ARL8B: variants seen among roughly 807,000 people sequenced by gnomAD.
ARL8B encodes ADP-ribosylation factor-like protein 8B.
ARL8B carries 9 observed loss-of-function variants against 30.6 expected under a neutral mutation model. That is an observed-to-expected ratio of 0.29 (90% confidence interval 0.18 to 0.51). ARL8B has a LOEUF of 0.51. ARL8B is among the 20% of genes least tolerant of loss of function. The pLI is 0.97. For synonymous variants in ARL8B, 74 were observed against 76.0 expected, an observed-to-expected ratio of 0.97 and a Z score of 0.14; for missense variants, 130 against 227.2, an observed-to-expected ratio of 0.57 and a Z score of 2.75.
chr3:5,174,372 A>G lies in ARL8B; in HGVS notation c.469A>G (p.Ile157Val), dbSNP rs759577117. 5.6e-6 allele frequency: 9 copies of G among 1,608,064 alleles called. No homozygotes were observed. Among genetic ancestry groups the G allele is most frequent in the Non-Finnish European group, 7.7e-6 (9 of 1,174,822 alleles). The change falls in exon 6 of 7, where the codon ATT becomes GTT. Residue 157 changes from isoleucine to valine, a missense_variant. Ile to Val is a conservative substitution (Grantham distance 29, BLOSUM62 3). Coordinates refer to ENST00000256496, the MANE Select transcript of ARL8B (RefSeq NM_018184.3). ...TCTGTCTGCTATTCAGGATAGAGAA[A>G]TTTGCTGCTATTCAATTTCTTGCAA... ...MNLSAIQDREICCYSISCKEK... is the reference protein window; with the variant it reads ...MNLSAIQDREVCCYSISCKEK...
intron 1 of ARL8B, among the ~76,000 whole-genome samples, chr3:5,152,116 A>G (rs1388524573): frequency 6.6e-6 from 1 of 152,196 alleles, no homozygotes. Flanking sequence ...TGTGAGGTAG[A>G]TCCAGTTGGT....
At chr3:5,141,883 T>G (rs1477290817) in intron 1 of ARL8B, among the ~76,000 whole-genome samples, 2 of 152,220 alleles carry the variant, frequency 1.3e-5, no homozygotes, top group Non-Finnish European at 2.9e-5. Flanking sequence ...ATAATAGATG[T>G]AGTTAATCTA....
chr3:5,162,068 G>A lies in ARL8B; in HGVS notation c.124-8435G>A, dbSNP rs532416581. On this transcript the variant is annotated intron_variant, in intron 1 of 6. Coordinates refer to ENST00000256496, the MANE Select transcript of ARL8B (RefSeq NM_018184.3). Reference sequence around the variant, plus strand: ...AGTTTGCTATAGATTCGTTATCTGTGTATGCTGTCAAGGCACACAAAATGC... The same window carrying A: ...AGTTTGCTATAGATTCGTTATCTGTATATGCTGTCAAGGCACACAAAATGC... 2.0e-5 allele frequency among the ~76,000 whole-genome samples: 3 copies of A among 152,320 alleles called. No homozygotes were observed. The East Asian group carries it at 5.8e-4, about 29-fold the overall frequency.
chr3:5,156,255 T>G (rs2054532337), intron 1 of ARL8B, among the ~76,000 whole-genome samples: 1 of 152,142 alleles, frequency 6.6e-6, no homozygotes, highest in African/African-American at 2.4e-5. Flanking sequence ...TGGTTAATTT[T>G]TTTTCCTTTG....
rs948748861 is a variant in ARL8B, at chr3:5,179,796, C to T, written c.*1083C>T. On this transcript the variant is annotated 3_prime_UTR_variant, in exon 7 of 7. Transcript: ENST00000256496. Reference sequence around the variant, plus strand: ...CCATTAGACATCTTGATTATTGTGACAACTCTAGACCTGCCTGCTTTATCT... The same window carrying T: ...CCATTAGACATCTTGATTATTGTGATAACTCTAGACCTGCCTGCTTTATCT... 6 of 152,482 alleles carry T rather than the reference C, an allele frequency of 3.9e-5. No individual in the cohort carries two copies. The highest frequency in any genetic ancestry group is 1.2e-4 in the African/African-American group (5 of 41,444). The allele number at this position is 152,482 out of a possible 1,614,324, so 9.4% of individuals were successfully genotyped here.
chr3:5,150,477 A>AATAAATAAATAC, intron 1 of ARL8B, among the ~76,000 whole-genome samples: 1 of 151,140 alleles, frequency 6.6e-6, no homozygotes, highest in Non-Finnish European at 1.5e-5. Context: ...TAAATAAATA[A>AATAAATAAATAC]ATAAATAAAT....
intron 6 of ARL8B, 133 bp from the exon 7 acceptor site, chr3:5,178,531 G>T (rs1322317105): frequency 1.9e-5 from 14 of 720,022 alleles, no homozygotes; most frequent in Non-Finnish European, 2.7e-5. Flanking sequence ...ATGGAGTATG[G>T]TAATGCAGAT....
intron 1 of ARL8B, among the ~76,000 whole-genome samples, chr3:5,169,034 AATG>A (rs775196115): frequency 6.6e-6 from 1 of 152,206 alleles, no homozygotes; most frequent in Non-Finnish European, 1.5e-5. Context: ...TGTTCTATGA[AATG>A]ATAATGATAA....
intron 1 of ARL8B, among the ~76,000 whole-genome samples, chr3:5,127,273 T>C (rs1415901461): frequency 6.6e-6 from 1 of 152,240 alleles, no homozygotes; most frequent in African/African-American, 2.4e-5. Context: ...ACTTTCTACT[T>C]TTCCCACCTC....
At chr3:5,169,472 A>T (rs890393861) in intron 1 of ARL8B, among the ~76,000 whole-genome samples, 1 of 151,282 alleles carries the variant, frequency 6.6e-6, no homozygotes, top group African/African-American at 2.4e-5. Flanking sequence ...CTGCTATACC[A>T]TTTTTCATAG....
intron 1 of ARL8B, among the ~76,000 whole-genome samples, chr3:5,155,890 T>TTGTGTGTG (rs147206469): frequency 6.8e-6 from 1 of 147,588 alleles, no homozygotes; most frequent in East Asian, 2.0e-4. Flanking sequence ...AAGATAATTT[T>TTGTGTGTG]TGTGTGTGTG....
Position 5,159,846 on chromosome 3 carries a change from C to G in ARL8B, c.124-10657C>G, listed in dbSNP as rs1035369662. ...TTTTCTCATTTTAGTTCCCAAAATA[C>G]CCAGTTTTCCCAAGAAAGAAGAAAA... On this transcript the variant is annotated intron_variant, in intron 1 of 6. Coordinates refer to ENST00000256496, the MANE Select transcript of ARL8B (RefSeq NM_018184.3). 6.6e-5 allele frequency among the ~76,000 whole-genome samples: 10 copies of G among 151,908 alleles called. No individual in the cohort carries two copies. The South Asian group carries it at 1.7e-3, about 25-fold the overall frequency.
chr3:5,178,565 C>A, intron 6 of ARL8B, 99 bp from the exon 7 acceptor site: 1 of 1,145,792 alleles, frequency 8.7e-7, no homozygotes, highest in Non-Finnish European at 1.3e-6. Context: ...AGAGGTCAGG[C>A]ATAGTGTGTG....
chr3:5,130,392 C>A (rs1486599170), intron 1 of ARL8B, among the ~76,000 whole-genome samples: 5 of 151,914 alleles, frequency 3.3e-5, no homozygotes, highest in Non-Finnish European at 7.4e-5. Flanking sequence ...CAGCTCATCC[C>A]CTTTACTTAT....
chr3:5,144,019 G>C (rs1446553848), intron 1 of ARL8B, among the ~76,000 whole-genome samples: 1 of 152,110 alleles, frequency 6.6e-6, no homozygotes, highest in Non-Finnish European at 1.5e-5. Context: ...TTGAGAGTTT[G>C]ATTCATTCTT....
intron 1 of ARL8B, among the ~76,000 whole-genome samples, chr3:5,134,072 C>G (rs945161763): frequency 6.6e-6 from 1 of 150,884 alleles, no homozygotes; most frequent in Non-Finnish European, 1.5e-5. Context: ...TGAGAATTAA[C>G]ATTTCATCCA....
chr3:5,163,714 A>T (rs1339794667), intron 1 of ARL8B, among the ~76,000 whole-genome samples: 1 of 152,138 alleles, frequency 6.6e-6, no homozygotes, highest in Non-Finnish European at 1.5e-5. Flanking sequence ...TACTAAAAAT[A>T]CAAAAATTAG....
intron 1 of ARL8B, among the ~76,000 whole-genome samples, chr3:5,151,728 C>G (rs558638729): frequency 7.0e-5 from 9 of 128,492 alleles, no homozygotes; most frequent in Non-Finnish European, 1.3e-4. Flanking sequence ...CCCACCCCCC[C>G]CCTTGGAGAT....
chr3:5,122,698 G>C, intron 1 of ARL8B, 110 bp downstream of exon 1: 1 of 1,262,602 alleles, frequency 7.9e-7, no homozygotes, highest in Non-Finnish European at 1.1e-6. Context: ...ACTGATGGCG[G>C]GGGGCGTGCG....
Sources: gnomAD v4.1 joint callset for allele counts (sites outside exome capture counted in the v4.1 genomes callset) on GRCh38, gnomAD v4.1.1 for gene constraint, MANE v1.5 for transcripts, NCBI Gene and HGNC (gene_info 2026-07-23, HGNC 2026-07-21) for gene names.